Variants in FGF12 observed in about 807,000 individuals in gnomAD.
FGF12 encodes fibroblast growth factor 12, also known as fibroblast growth factor 12B.
In FGF12, 14 loss-of-function variants were observed where a neutral mutation model predicts 23.6. The ratio of observed to expected loss-of-function variants is 0.59; its 90% CI spans 0.39 to 0.93. The LOEUF is 0.93. FGF12 is among the 40% of genes least tolerant of loss of function. The probability of loss-of-function intolerance (pLI) is 0.00; values close to 1 mark genes in which losing one functional copy is unlikely to be tolerated. For missense variants in FGF12, 175 were observed against 217.8 expected, an observed-to-expected ratio of 0.80 and a Z score of 1.24; for synonymous variants, 62 against 77.3, an observed-to-expected ratio of 0.80 and a Z score of 1.04.
chr3:192,146,056 C>G (rs899244692), intron 5 of FGF12, among the ~76,000 whole-genome samples: 4 of 152,170 alleles, frequency 2.6e-5, no homozygotes, highest in African/African-American at 9.7e-5. Context: ...GAACACTATT[C>G]ATATGATACC....
At chr3:192,274,256 C>A (rs4687311) in intron 4 of FGF12, among the ~76,000 whole-genome samples, 54,356 of 151,966 alleles carry the variant, frequency 0.36, 10,825 homozygotes, top group East Asian at 0.9. Flanking sequence ...CCAATACAAG[C>A]ATCTTTGTAA....
At chr3:192,476,792 G>A (rs1723339295) in intron 2 of FGF12, among the ~76,000 whole-genome samples, 1 of 152,192 alleles carries the variant, frequency 6.6e-6, no homozygotes, top group South Asian at 2.1e-4. Context: ...TAGCCAAATT[G>A]TAAATGAGTT....
intron 2 of FGF12, among the ~76,000 whole-genome samples, chr3:192,537,172 A>T (rs1275036324): frequency 3.9e-5 from 6 of 152,200 alleles, no homozygotes; most frequent in African/African-American, 1.4e-4. Flanking sequence ...CATTGTGTAT[A>T]TGTACTACAT....
chr3:192,639,939 G>T (rs908772488), intron 2 of FGF12, among the ~76,000 whole-genome samples: 4 of 151,982 alleles, frequency 2.6e-5, no homozygotes, highest in African/African-American at 9.7e-5. Flanking sequence ...GATAAACCTG[G>T]AGGCCAGTAA....
At chr3:192,235,268 C>T (rs184553994) in intron 4 of FGF12, among the ~76,000 whole-genome samples, 56 of 152,146 alleles carry the variant, frequency 3.7e-4, no homozygotes, top group African/African-American at 1.3e-3. Flanking sequence ...ATTCAATCTT[C>T]GGAGGTTGTA....
At chr3:192,266,549 G>A (rs1395264671) in intron 4 of FGF12, among the ~76,000 whole-genome samples, 1 of 152,008 alleles carries the variant, frequency 6.6e-6, no homozygotes. Flanking sequence ...TTTTACCTAT[G>A]AAGATATATA....
chr3:192,579,181 G>C (rs907376258), intron 2 of FGF12, among the ~76,000 whole-genome samples: 1 of 151,920 alleles, frequency 6.6e-6, no homozygotes, highest in African/African-American at 2.4e-5. Context: ...TCTTCATTTT[G>C]AGGAAACATT....
chr3:192,407,760 A>T lies in FGF12; in HGVS notation c.14-47222T>A, dbSNP rs555849475. 2.0e-5 allele frequency among the ~76,000 whole-genome samples: 3 copies of T among 151,886 alleles called. No homozygotes were observed. In the South Asian group the frequency reaches 6.3e-4, roughly 32 times the overall value. ...TGGTCACTCCCCTCAAGGACTCTAC[A>T]GGCTCTTTTGGAATAAGTGCATCTA... On this transcript the variant is annotated intron_variant, in intron 2 of 5. Coordinates refer to ENST00000445105, the MANE Select transcript of FGF12 (RefSeq NM_004113.6).
At chr3:192,228,519 G>A (rs559481347) in intron 4 of FGF12, among the ~76,000 whole-genome samples, 18 of 152,150 alleles carry the variant, frequency 1.2e-4, no homozygotes, top group East Asian at 7.7e-4. Flanking sequence ...TTGTCAAGGC[G>A]CGTCACCTTT....
At chr3:192,462,160 T>C (rs1415042411) in intron 2 of FGF12, among the ~76,000 whole-genome samples, 2 of 152,214 alleles carry the variant, frequency 1.3e-5, no homozygotes, top group Non-Finnish European at 2.9e-5. Context: ...ACTGAAACTA[T>C]TAAGAATTTC....
chr3:192,433,283 C>T (rs1423921609), intron 2 of FGF12, among the ~76,000 whole-genome samples: 2 of 152,112 alleles, frequency 1.3e-5, no homozygotes, highest in Non-Finnish European at 2.9e-5. Flanking sequence ...AAAACAGGCC[C>T]AAAGTGTCTT....
chr3:192,560,781 T>C (rs1368211664), intron 2 of FGF12, among the ~76,000 whole-genome samples: 1 of 152,070 alleles, frequency 6.6e-6, no homozygotes, highest in South Asian at 2.1e-4. Context: ...ACAAACTCTT[T>C]CCTAAATTAG....
intron 2 of FGF12, among the ~76,000 whole-genome samples, chr3:192,687,006 T>G (rs1717768561): frequency 6.6e-6 from 1 of 151,212 alleles, no homozygotes; most frequent in Non-Finnish European, 1.5e-5. Flanking sequence ...TTTTTTTGTA[T>G]TTTTAGTAGA....
chr3:192,511,014 T>A (rs1284076928), intron 2 of FGF12, among the ~76,000 whole-genome samples: 4 of 152,308 alleles, frequency 2.6e-5, no homozygotes, highest in Middle Eastern at 3.4e-3. Context: ...GTTGAGGTTT[T>A]TTTTGCCTAC....
chr3:192,296,830 T>C (rs113487557), intron 4 of FGF12, among the ~76,000 whole-genome samples: 50 of 152,270 alleles, frequency 3.3e-4, no homozygotes, highest in African/African-American at 1.2e-3. Flanking sequence ...GAAAAAAACA[T>C]GTGGAGTACT....
intron 4 of FGF12, among the ~76,000 whole-genome samples, chr3:192,288,227 A>G (rs768729894): frequency 6.6e-6 from 1 of 152,138 alleles, no homozygotes; most frequent in Non-Finnish European, 1.5e-5. Context: ...TTCACAAAAT[A>G]CAAACAATTA....
At chr3:192,313,927 T>C (rs1384636788) in intron 4 of FGF12, among the ~76,000 whole-genome samples, 4 of 152,222 alleles carry the variant, frequency 2.6e-5, no homozygotes, top group Non-Finnish European at 5.9e-5. Flanking sequence ...CTCAATGTGA[T>C]GCAATCTGGA....
chr3:192,213,480 T>C (rs146792638), intron 4 of FGF12, among the ~76,000 whole-genome samples: 78 of 152,336 alleles, frequency 5.1e-4, no homozygotes, highest in Non-Finnish European at 1.0e-3. Flanking sequence ...ATGCATCTCA[T>C]TTCATTCGCA....
intron 2 of FGF12, among the ~76,000 whole-genome samples, chr3:192,400,038 T>C (rs1035485243): frequency 2.6e-5 from 4 of 152,224 alleles, no homozygotes; most frequent in African/African-American, 9.6e-5. Flanking sequence ...GGTTGTACTA[T>C]GGTTTTCTTC....
Sources: gnomAD v4.1 joint callset for allele counts (sites outside exome capture counted in the v4.1 genomes callset) on GRCh38, gnomAD v4.1.1 for gene constraint, MANE v1.5 for transcripts, NCBI Gene and HGNC (gene_info 2026-07-23, HGNC 2026-07-21) for gene names.